SAP130: variants seen among roughly 807,000 people sequenced by gnomAD.
The protein encoded by SAP130 is histone deacetylase complex subunit SAP130.
A neutral mutation model predicts 103.2 loss-of-function variants in SAP130; 16 were observed. The ratio of observed to expected loss-of-function variants is 0.16; its 90% CI spans 0.10 to 0.24. SAP130 has a LOEUF of 0.24. Among genes scored for constraint, SAP130 ranks in the 10% least tolerant of loss-of-function variants. The pLI is 1.00. For synonymous variants in SAP130, 477 were observed against 497.0 expected, an observed-to-expected ratio of 0.96 and a Z score of 0.53; for missense variants, 990 against 1,359.7, an observed-to-expected ratio of 0.73 and a Z score of 4.28.
intron 16 of SAP130, among the ~76,000 whole-genome samples, chr2:127,951,461 T>G (rs1679489463): frequency 1.3e-5 from 2 of 152,024 alleles, no homozygotes; most frequent in South Asian, 4.1e-4. Context: ...CCTAGGTAAA[T>G]CCAACTCCCT....
intron 12 of SAP130, among the ~76,000 whole-genome samples, chr2:127,991,281 A>G (rs1231862471): frequency 2.0e-5 from 3 of 152,192 alleles, no homozygotes; most frequent in Non-Finnish European, 2.9e-5. Context: ...ATTAATTTTG[A>G]TCATATATTT....
chr2:128,016,325 A>G (rs1361700944), intron 4 of SAP130, 64 bp downstream of exon 4: 16 of 1,527,672 alleles, frequency 1.0e-5, no homozygotes, highest in Non-Finnish European at 1.3e-5. Context: ...CTAGCATTCA[A>G]TAAATCATGA....
intron 10 of SAP130, 51 bp downstream of exon 10, chr2:127,999,690 G>A: frequency 9.9e-7 from 1 of 1,008,106 alleles, no homozygotes; most frequent in Admixed American, 2.5e-5. Context: ...CTAGTCTGAG[G>A]GGTTACAGCA....
At chr2:128,019,923 A>C (rs558413795) in intron 2 of SAP130, among the ~76,000 whole-genome samples, 14 of 152,228 alleles carry the variant, frequency 9.2e-5, no homozygotes, top group African/African-American at 3.4e-4. Flanking sequence ...AACAATACTG[A>C]TGTAATAAAG....
rs73955687 is a variant in SAP130 at position 127,958,946 on chromosome 2, G to A, written c.2064-3602C>T. 6.0e-3 allele frequency among the ~76,000 whole-genome samples: 915 copies of A among 152,176 alleles called. 18 individuals carry two copies. The highest frequency in any genetic ancestry group is 0.019 in the African/African-American group (790 of 41,504). ...AGCTGTGGGGTGAGCCGCCACACCC[G>A]GCTAATATTTTTAAAGAGAAATGAT... On this transcript the variant is annotated intron_variant, in intron 15 of 20. Coordinates refer to ENST00000643581, the MANE Select transcript of SAP130 (RefSeq NM_001330301.2).
chr2:127,993,514 T>C (rs536680317), intron 11 of SAP130, among the ~76,000 whole-genome samples: 23 of 151,968 alleles, frequency 1.5e-4, no homozygotes, highest in African/African-American at 5.5e-4. Context: ...TAAATACCTA[T>C]ATCAATAAAT....
At chr2:127,993,637 A>C (rs918290929) in intron 11 of SAP130, among the ~76,000 whole-genome samples, 1 of 152,234 alleles carries the variant, frequency 6.6e-6, no homozygotes, top group African/African-American at 2.4e-5. Context: ...AACTACACTC[A>C]ACTCAAATTG....
chr2:127,967,253 T>C (rs1335387131), intron 15 of SAP130, among the ~76,000 whole-genome samples: 2 of 152,188 alleles, frequency 1.3e-5, no homozygotes, highest in Admixed American at 1.3e-4. Context: ...GCAGAACTCA[T>C]GTTAAGTGTT....
At chr2:127,954,855 G>C in intron 16 of SAP130, 131 bp downstream of exon 16, 1 of 664,052 alleles carries the variant, frequency 1.5e-6, no homozygotes, top group Non-Finnish European at 2.6e-6. Context: ...AAAAACTAAT[G>C]ACATGCAACA....
chr2:128,026,750 C>G (rs6430970), intron 1 of SAP130, among the ~76,000 whole-genome samples: 93,292 of 152,176 alleles, frequency 0.61, 31,233 homozygotes, highest in African/African-American at 0.9. Context: ...AGAAAAGATC[C>G]GATATCTTAC....
At chr2:128,020,865 G>A (rs1018370458) in intron 2 of SAP130, among the ~76,000 whole-genome samples, 5 of 152,104 alleles carry the variant, frequency 3.3e-5, no homozygotes, top group Admixed American at 6.5e-5. Flanking sequence ...GCATGATGGC[G>A]GTTGCCTGTA....
chr2:127,968,187 C>T (rs888638866), intron 15 of SAP130, among the ~76,000 whole-genome samples: 16 of 151,484 alleles, frequency 1.1e-4, no homozygotes, highest in African/African-American at 3.9e-4. Flanking sequence ...TGGCTCACTG[C>T]AGCCTCTGCC....
chr2:127,996,258 A>C lies in SAP130; in HGVS notation c.1355+92T>G. 4 of 1,138,822 alleles carry C rather than the reference A, an allele frequency of 3.5e-6. No homozygotes were observed. The highest frequency in any genetic ancestry group is 3.5e-6 in the Non-Finnish European group (3 of 851,110). 70.5% of individuals were successfully genotyped at this position (1,138,822 alleles called of 1,614,324 possible). ...ATCTGAAAACATGAGTAATAAATAT[A>C]GGCCATATTTGTGGGACACTTTGTT... On this transcript the variant is annotated intron_variant, in intron 11 of 20. Coordinates refer to ENST00000643581, the MANE Select transcript of SAP130 (RefSeq NM_001330301.2). This position sits in a 1 kb window ranked among gnomAD's most constrained non-coding sequence, Gnocchi z 4.3.
intron 1 of SAP130, among the ~76,000 whole-genome samples, chr2:128,026,844 A>G (rs1036534293): frequency 1.3e-5 from 2 of 152,190 alleles, no homozygotes; most frequent in African/African-American, 4.8e-5. Context: ...TCTCTTCCAC[A>G]GATCCCCTCA....
intron 15 of SAP130, among the ~76,000 whole-genome samples, chr2:127,956,630 C>A (rs547336702): frequency 5.8e-4 from 87 of 149,854 alleles, no homozygotes; most frequent in African/African-American, 2.1e-3. Flanking sequence ...TGCAGCACAC[C>A]GACATGGCGC....
At chr2:127,960,386 C>T (rs1680155848) in intron 15 of SAP130, among the ~76,000 whole-genome samples, 1 of 151,976 alleles carries the variant, frequency 6.6e-6, no homozygotes, top group African/African-American at 2.4e-5. Flanking sequence ...AGCAGGGCTT[C>T]AAGGAGGGAT....
intron 1 of SAP130, chr2:128,027,317 C>T: frequency 1.7e-6 from 2 of 1,153,108 alleles, no homozygotes; most frequent in Non-Finnish European, 2.1e-6. Context: ...GCCCCTGCCT[C>T]CCCCGCCCGC....
intron 11 of SAP130, among the ~76,000 whole-genome samples, chr2:127,995,886 A>G (rs1237384287): frequency 2.6e-5 from 4 of 152,218 alleles, no homozygotes; most frequent in Non-Finnish European, 5.9e-5. Flanking sequence ...ACCTGAATGT[A>G]ACCATGAAGA....
intron 1 of SAP130, chr2:128,027,039 G>A (rs1399912653): frequency 1.5e-6 from 2 of 1,367,422 alleles, no homozygotes; most frequent in Non-Finnish European, 1.9e-6. Context: ...GGGTGGGGGT[G>A]CGGACGGGCG....
Sources: allele counts gnomAD v4.1 joint callset (sites outside exome capture counted in the v4.1 genomes callset), GRCh38; gene constraint gnomAD v4.1.1; non-coding constraint Gnocchi (gnomAD v3.1); transcripts MANE v1.5; gene names NCBI Gene and HGNC (gene_info 2026-07-23, HGNC 2026-07-21).